The following PAWR variants were observed in gnomAD, a reference collection of about 807,000 sequenced individuals.
The protein encoded by PAWR is pro-apoptotic WT1 regulator.
A neutral mutation model predicts 32.0 loss-of-function variants in PAWR; 23 were observed. That is an observed-to-expected ratio of 0.72 (90% CI 0.52 to 1.02). The LOEUF (loss-of-function observed/expected upper bound fraction) is 1.02, where lower values mean the gene tolerates loss of function less well. PAWR is among the 50% of genes least tolerant of loss of function. The pLI is 0.00. For synonymous variants in PAWR, 226 were observed against 187.1 expected (o/e 1.21, Z -1.70); for missense variants, 457 against 437.7 (o/e 1.04, Z -0.39).
In PAWR at chr12:79,592,528, A is replaced by G; in HGVS notation, c.*79T>C. 1 of 663,206 alleles carries G rather than the reference A, an allele frequency of 1.5e-6. No individual in the cohort carries two copies. The allele number at this position is 663,206 out of a possible 1,614,324, so 41.1% of individuals were successfully genotyped here. ...TAGTTATTTTAATGTATTGCAGCAT[A>G]GGAATATTGTGCTAGCATTGACCAT... On this transcript the variant is annotated 3_prime_UTR_variant, in exon 7 of 7. Coordinates refer to ENST00000328827, the MANE Select transcript of PAWR (RefSeq NM_002583.4).
chr12:79,604,593 C>A (rs906649273), intron 4 of PAWR: 2 of 1,275,698 alleles, frequency 1.6e-6, no homozygotes, highest in Non-Finnish European at 1.0e-6. Context: ...TCTGAAATTC[C>A]CAAATAACCA....
chr12:79,622,440 AACGC>A (rs1875069071), intron 2 of PAWR, among the ~76,000 whole-genome samples: 3 of 152,048 alleles, frequency 2.0e-5, no homozygotes, highest in Non-Finnish European at 1.5e-5. Context: ...TGTATCTCCT[AACGC>A]TATCCCTCCC....
intron 2 of PAWR, among the ~76,000 whole-genome samples, chr12:79,658,784 C>A (rs1877210109): frequency 6.6e-6 from 1 of 151,842 alleles, no homozygotes; most frequent in African/African-American, 2.4e-5. Flanking sequence ...CTGCCTCAGC[C>A]TCTTGGGTAG....
At chr12:79,687,559 T>A (rs1878743905) in intron 2 of PAWR, among the ~76,000 whole-genome samples, 1 of 152,210 alleles carries the variant, frequency 6.6e-6, no homozygotes, top group African/African-American at 2.4e-5. Flanking sequence ...ATAAAGAGAT[T>A]GGTCATTTTC....
At chr12:79,659,350 T>C (rs541762341) in intron 2 of PAWR, among the ~76,000 whole-genome samples, 1 of 152,176 alleles carries the variant, frequency 6.6e-6, no homozygotes, top group Non-Finnish European at 1.5e-5. Context: ...TAATGTATTT[T>C]GGCAGGGGCA....
intron 2 of PAWR, among the ~76,000 whole-genome samples, chr12:79,684,746 A>C (rs1878603093): frequency 6.6e-6 from 1 of 152,222 alleles, no homozygotes; most frequent in Admixed American, 6.5e-5. Context: ...TTTTCCATTA[A>C]AGTCTCACTT....
chr12:79,690,354 G>A lies in PAWR; in HGVS notation c.-110C>T. On this transcript the variant is annotated 5_prime_UTR_variant, in exon 2 of 7. Coordinates refer to ENST00000328827, the MANE Select transcript of PAWR (RefSeq NM_002583.4). ...GAGGATGCCAGGAGACGACCTCCAG[G>A]AGAGGGACGGCCGCCGCTCCCACAG... 8 of 1,350,394 alleles carry A rather than the reference G, an allele frequency of 5.9e-6. No homozygotes were observed. The highest frequency in any genetic ancestry group is 7.6e-6 in the Non-Finnish European group (8 of 1,055,744). The allele number at this position is 1,350,394 out of a possible 1,614,324, so 83.7% of individuals were successfully genotyped here. A position where few individuals can be genotyped will look rare whatever the true frequency, so the allele number is the denominator to read the frequency against.
intron 2 of PAWR, among the ~76,000 whole-genome samples, chr12:79,683,719 C>T (rs1159700830): frequency 6.6e-6 from 1 of 151,714 alleles, no homozygotes. Context: ...GTATTACACT[C>T]AGTTAAATTG....
At chr12:79,599,060 A>G (rs914658212) in intron 4 of PAWR, among the ~76,000 whole-genome samples, 6 of 152,200 alleles carry the variant, frequency 3.9e-5, no homozygotes, top group Non-Finnish European at 5.9e-5. Flanking sequence ...TTTGCATGGA[A>G]AGCTAAGATC....
chr12:79,690,258 C>T lies in PAWR; in HGVS notation c.-14G>A, dbSNP rs749082093. ...ACCGGTCGCCATATTCCCAAAGGGG[C>T]CGGTCGGGCTCTCACCTCAGGCCGC... is the stretch of plus-strand genomic sequence containing the variant. On this transcript the variant is annotated 5_prime_UTR_variant, in exon 2 of 7. Transcript: ENST00000328827. 2.7e-5 allele frequency: 40 copies of T among 1,490,664 alleles called. No individual in the cohort carries two copies. Among genetic ancestry groups the T allele is most frequent in the Non-Finnish European group, 3.6e-5 (40 of 1,124,874 alleles). 92.3% of individuals were successfully genotyped at this position (1,490,664 alleles called of 1,614,324 possible). A position where few individuals can be genotyped will look rare whatever the true frequency, so the allele number is the denominator to read the frequency against.
chr12:79,612,015 A>G (rs1874460978), intron 4 of PAWR, among the ~76,000 whole-genome samples: 1 of 152,168 alleles, frequency 6.6e-6, no homozygotes, highest in African/African-American at 2.4e-5. Context: ...AACAAACTTG[A>G]TAAGTTGCCA....
intron 2 of PAWR, among the ~76,000 whole-genome samples, chr12:79,636,737 CCG>C (rs1875977482): frequency 6.6e-6 from 1 of 152,070 alleles, no homozygotes; most frequent in African/African-American, 2.4e-5. Flanking sequence ...ATATTTACAA[CCG>C]TTCGTAAAAT....
Position 79,621,089 on chromosome 12 carries a change from G to T in PAWR, c.635C>A (p.Ser212Tyr). The T allele has an allele frequency of 6.3e-7, 1 of 1,599,882 alleles. No homozygotes were observed. Residue 212 changes from serine to tyrosine, a missense_variant, in exon 3 of 7, where the codon TCC becomes TAC. Transcript: ENST00000328827. ...EAVNLLDPGSSYLLQEPPRTV... is the reference protein window; with the variant it reads ...EAVNLLDPGSYYLLQEPPRTV... ...TTAAATACTCACCTGTAGCAGATAG[G>T]AACTGCCTGGATCTAGTAAGTTTAC...
chr12:79,664,953 T>C (rs892735009), intron 2 of PAWR, among the ~76,000 whole-genome samples: 13 of 152,168 alleles, frequency 8.5e-5, no homozygotes, highest in African/African-American at 3.1e-4. Flanking sequence ...ATCTCTTCAA[T>C]TTCCAACTTG....
rs781173793 is a variant in PAWR, at chr12:79,613,532, T to C, written c.683+43A>G. Reference sequence around the variant, plus strand: ...AGTTAAGTCAATGTCAGACAGACATTACATTCATGTCTACAATATGTTTAA... The same window carrying C: ...AGTTAAGTCAATGTCAGACAGACATCACATTCATGTCTACAATATGTTTAA... On this transcript the variant is annotated intron_variant, in intron 4 of 6. Coordinates refer to ENST00000328827, the MANE Select transcript of PAWR (RefSeq NM_002583.4). 4 of 1,072,484 alleles carry C rather than the reference T, an allele frequency of 3.7e-6. No individual in the cohort carries two copies. In the South Asian group the frequency reaches 4.3e-5, roughly 12 times the overall value. 66.4% of individuals were successfully genotyped at this position (1,072,484 alleles called of 1,614,324 possible). A position where few individuals can be genotyped will look rare whatever the true frequency, so the allele number is the denominator to read the frequency against.
intron 2 of PAWR, among the ~76,000 whole-genome samples, chr12:79,633,695 G>C (rs150319233): frequency 6.6e-6 from 1 of 152,178 alleles, no homozygotes; most frequent in East Asian, 1.9e-4. Context: ...AAGAACATAA[G>C]AACCAACAAC....
At position 79,689,740 on chromosome 12, in the gene PAWR, G is replaced by C. The variant is rs372181524; in HGVS notation, c.505C>G (p.Pro169Ala). The change falls in exon 2 of 7, where the codon CCT becomes GCT. Residue 169 changes from proline to alanine, a missense_variant. By Grantham distance (27) the Pro-to-Ala change is conservative (BLOSUM62 -1). Coordinates refer to ENST00000328827, the MANE Select transcript of PAWR (RefSeq NM_002583.4). ...CCCGCCCGGCTCACCTCTGCGGCAG[G>C]GATGTTGACCACGCCGGTGGAGCGC... is the stretch of plus-strand genomic sequence containing the variant. Reference protein sequence around the residue: ...KRRSTGVVNIPAAECLDEYED... With the variant: ...KRRSTGVVNIAAAECLDEYED... 196 of 1,563,770 alleles carry C rather than the reference G, an allele frequency of 1.3e-4. 4 individuals carry two copies. The African/African-American group carries it at 1.8e-3, about 15-fold the overall frequency.
At chr12:79,605,152 A>G (rs1874122935) in intron 4 of PAWR, among the ~76,000 whole-genome samples, 1 of 152,150 alleles carries the variant, frequency 6.6e-6, no homozygotes. Context: ...ATTTTTCTAT[A>G]GCATCATTTT....
chr12:79,612,291 TAAC>T (rs74262475), intron 4 of PAWR, among the ~76,000 whole-genome samples: 2,553 of 152,260 alleles, frequency 0.017, 40 homozygotes, highest in Middle Eastern at 0.041. Context: ...ACTTCAGACT[TAAC>T]TACTCTTCTG....
Sources: gnomAD v4.1 joint callset for allele counts (sites outside exome capture counted in the v4.1 genomes callset) on GRCh38, gnomAD v4.1.1 for gene constraint, MANE v1.5 for transcripts, NCBI Gene and HGNC (gene_info 2026-07-23, HGNC 2026-07-21) for gene names.